MIR2052HG: variants seen among roughly 807,000 people sequenced by gnomAD.
MIR2052HG encodes the protein MIR2052 host gene.
chr8:74,728,602 A>AG (rs1345484732), intron 4 of MIR2052HG, among the ~76,000 whole-genome samples: 2 of 152,182 alleles, frequency 1.3e-5, no homozygotes, highest in African/African-American at 4.8e-5. Flanking sequence ...GATTAAGTAT[A>AG]GGGGCCAGGT....
At chr8:74,689,537 A>G (rs1809218161) in intron 2 of MIR2052HG, among the ~76,000 whole-genome samples, 2 of 152,220 alleles carry the variant, frequency 1.3e-5, no homozygotes, top group South Asian at 4.1e-4. Context: ...GTCAGAAAAT[A>G]TGTTACCTGA....
At chr8:74,632,838 G>A (rs1056006399) in intron 2 of MIR2052HG, among the ~76,000 whole-genome samples, 12 of 151,752 alleles carry the variant, frequency 7.9e-5, no homozygotes, top group African/African-American at 2.9e-4. Flanking sequence ...GTGTTGATCG[G>A]ACCCCTACCT....
chr8:74,721,779 G>A (rs1040701593), intron 4 of MIR2052HG, among the ~76,000 whole-genome samples: 13 of 152,196 alleles, frequency 8.5e-5, no homozygotes, highest in African/African-American at 3.1e-4. Flanking sequence ...TTTTAGGGGA[G>A]GGAATTAGAC....
intron 4 of MIR2052HG, among the ~76,000 whole-genome samples, chr8:74,719,632 C>T (rs1312920908): frequency 6.6e-6 from 1 of 150,974 alleles, no homozygotes; most frequent in Non-Finnish European, 1.5e-5. Flanking sequence ...CTCTAGGCGC[C>T]CTCCACTTAA....
At chr8:74,634,226 A>T (rs1333505164) in intron 2 of MIR2052HG, among the ~76,000 whole-genome samples, 2 of 152,170 alleles carry the variant, frequency 1.3e-5, no homozygotes, top group Non-Finnish European at 2.9e-5. Flanking sequence ...AAGAGATTTC[A>T]GTTTAGGTTG....
At chr8:74,660,426 G>A (rs73687196) in intron 2 of MIR2052HG, among the ~76,000 whole-genome samples, 2,768 of 152,310 alleles carry the variant, frequency 0.018, 84 homozygotes, top group African/African-American at 0.064. Flanking sequence ...GAGGCAGCCA[G>A]GTTTCTGCGC....
intron 2 of MIR2052HG, among the ~76,000 whole-genome samples, chr8:74,665,781 C>A (rs1273690195): frequency 1.3e-5 from 2 of 152,120 alleles, no homozygotes; most frequent in African/African-American, 4.8e-5. Flanking sequence ...TCCCATAATT[C>A]TCATGTGTCC....
At position 74,702,112 on chromosome 8, in the gene MIR2052HG, G is replaced by A. The variant is rs139941344; in HGVS notation, n.217-267G>A. ...TAAAGTTCAAAATTTTTGACTCAAG[G>A]TATAAAACTTAGGAACTTTCCATCA... On this transcript the variant is annotated intron_variant and non_coding_transcript_variant, in intron 2 of 6. Transcript: ENST00000523442. Among the ~76,000 whole-genome samples, 475 of 152,140 alleles carry A rather than the reference G, an allele frequency of 3.1e-3. 15 individuals are homozygous for A. The highest frequency in any genetic ancestry group is 0.029 in the Admixed American group (439 of 15,256).
intron 2 of MIR2052HG, among the ~76,000 whole-genome samples, chr8:74,691,840 C>T (rs922775016): frequency 9.2e-5 from 14 of 152,218 alleles, no homozygotes; most frequent in African/African-American, 3.1e-4. Flanking sequence ...GTGAAGTTTT[C>T]CCATATCTCA....
intron 4 of MIR2052HG, among the ~76,000 whole-genome samples, chr8:74,738,063 T>TTATG (rs745492029): frequency 2.0e-5 from 3 of 152,234 alleles, no homozygotes; most frequent in East Asian, 3.9e-4. Context: ...TATCTATCAT[T>TTATG]TATGTATGTA....
intron 4 of MIR2052HG, among the ~76,000 whole-genome samples, chr8:74,733,049 CATTTATTT>C (rs71565409): frequency 0.019 from 2,858 of 148,924 alleles, 75 homozygotes; most frequent in African/African-American, 0.057. Context: ...AATTAGGAGA[CATTTATTT>C]ATTTATTTAT....
chr8:74,635,549 G>A (rs906614483), intron 2 of MIR2052HG, among the ~76,000 whole-genome samples: 1 of 152,172 alleles, frequency 6.6e-6, no homozygotes, highest in African/African-American at 2.4e-5. Flanking sequence ...CACTTGGCTA[G>A]AGTCGAGGGA....
chr8:74,611,422 A>T (rs943693559), intron 1 of MIR2052HG, among the ~76,000 whole-genome samples: 1 of 152,174 alleles, frequency 6.6e-6, no homozygotes, highest in Non-Finnish European at 1.5e-5. Flanking sequence ...TTTTAAAAAA[A>T]TTACATAAAT....
At chr8:74,716,859 G>A (rs529432438) in intron 4 of MIR2052HG, among the ~76,000 whole-genome samples, 1 of 152,100 alleles carries the variant, frequency 6.6e-6, no homozygotes, top group South Asian at 2.1e-4. Flanking sequence ...TTAGGTTGGT[G>A]CAAATGTAAT....
chr8:74,695,003 A>G (rs977330426), intron 2 of MIR2052HG, among the ~76,000 whole-genome samples: 1 of 152,168 alleles, frequency 6.6e-6, no homozygotes, highest in Non-Finnish European at 1.5e-5. Flanking sequence ...GCAAAAAGTT[A>G]ATAACCTATG....
At chr8:74,751,167 C>T (rs1438859531) in intron 4 of MIR2052HG, among the ~76,000 whole-genome samples, 2 of 152,168 alleles carry the variant, frequency 1.3e-5, no homozygotes, top group African/African-American at 4.8e-5. Context: ...TTGCCTGATG[C>T]ATATGTCCTA....
At chr8:74,708,573 C>T (rs1214166069) in intron 4 of MIR2052HG, among the ~76,000 whole-genome samples, 1 of 152,074 alleles carries the variant, frequency 6.6e-6, no homozygotes, top group African/African-American at 2.4e-5. Flanking sequence ...GGACCCCCTC[C>T]TTTGTTACTC....
At chr8:74,636,134 C>A (rs950383697) in intron 2 of MIR2052HG, among the ~76,000 whole-genome samples, 1 of 152,110 alleles carries the variant, frequency 6.6e-6, no homozygotes, top group African/African-American at 2.4e-5. Flanking sequence ...TAGTAAGCCA[C>A]GCTTGGCCTC....
At chr8:74,602,063 G>T (rs962276229) in intron 1 of MIR2052HG, among the ~76,000 whole-genome samples, 1 of 152,076 alleles carries the variant, frequency 6.6e-6, no homozygotes, top group African/African-American at 2.4e-5. Flanking sequence ...ACACCTACTG[G>T]GCTGCATTCC....
Sources: allele counts gnomAD v4.1 joint callset (sites outside exome capture counted in the v4.1 genomes callset), GRCh38; gene constraint gnomAD v4.1.1; transcripts MANE v1.5; gene names NCBI Gene and HGNC (gene_info 2026-07-23, HGNC 2026-07-21).